Variants in STXBP5L observed in about 807,000 individuals in gnomAD.
The protein encoded by STXBP5L is syntaxin binding protein 5L.
Under a neutral mutation model 144.5 loss-of-function variants are expected in STXBP5L, and 65 were observed. The observed-to-expected ratio is 0.45, with a 90% CI of 0.37 to 0.55. The LOEUF is 0.55. Among genes scored for constraint, STXBP5L ranks in the 20% least tolerant of loss-of-function variants. STXBP5L has a pLI of 0.00. For missense variants in STXBP5L, 1,298 were observed against 1,405.5 expected (o/e 0.92, Z 1.22); for synonymous variants, 505 against 469.6 (o/e 1.08, Z -0.97).
chr3:121,066,319 G>C (rs906091826), intron 5 of STXBP5L, among the ~76,000 whole-genome samples: 3 of 151,366 alleles, frequency 2.0e-5, no homozygotes, highest in African/African-American at 7.3e-5. Context: ...GACGTTCTTT[G>C]TAAGATTAAG....
intron 9 of STXBP5L, among the ~76,000 whole-genome samples, chr3:121,174,040 G>A (rs2046837155): frequency 6.6e-6 from 1 of 152,090 alleles, no homozygotes; most frequent in South Asian, 2.1e-4. Flanking sequence ...GATGACTAGG[G>A]TCACATGGCA....
At chr3:121,324,635 A>G in intron 20 of STXBP5L, 1 of 642,820 alleles carries the variant, frequency 1.6e-6, no homozygotes, top group Non-Finnish European at 2.8e-6. Flanking sequence ...TCATATCTTC[A>G]CAATTTTCTA....
Position 121,086,414 on chromosome 3 carries a change from G to T in STXBP5L, c.471-28511G>T, listed in dbSNP as rs147682413. 5.5e-3 allele frequency among the ~76,000 whole-genome samples: 836 copies of T among 152,122 alleles called. 3 individuals carry two copies. Among genetic ancestry groups the T allele is most frequent in the Non-Finnish European group, 7.1e-3 (482 of 67,954 alleles). ...CTGAAAAATTTCTATTGCCTCATGCGTTCATAGCCATTGTAACATTATAGC... is the reference window on the plus strand; with the variant it reads ...CTGAAAAATTTCTATTGCCTCATGCTTTCATAGCCATTGTAACATTATAGC... On this transcript the variant is annotated intron_variant, in intron 5 of 26. Transcript: ENST00000471454.
At chr3:121,188,423 C>A (rs558673295) in intron 9 of STXBP5L, among the ~76,000 whole-genome samples, 1 of 152,038 alleles carries the variant, frequency 6.6e-6, no homozygotes, top group South Asian at 2.1e-4. Flanking sequence ...GAACAACCTG[C>A]TCCTGAATGA....
At chr3:121,288,416 C>T (rs933765065) in intron 19 of STXBP5L, among the ~76,000 whole-genome samples, 4 of 152,178 alleles carry the variant, frequency 2.6e-5, no homozygotes, top group Non-Finnish European at 5.9e-5. Flanking sequence ...GAAATTGCCA[C>T]ACTGATTTCC....
rs140997882 is a variant in STXBP5L at position 121,007,313 on chromosome 3, G to A, written c.288-34387G>A. Among the ~76,000 whole-genome samples, 6 of 151,842 alleles carry A rather than the reference G, an allele frequency of 4.0e-5. No individual in the cohort carries two copies. The East Asian group carries it at 1.2e-3, about 29-fold the overall frequency. On this transcript the variant is annotated intron_variant, in intron 3 of 26. Transcript: ENST00000471454. ...GAGGATTTTGTTGACTGTTTTTCTT[G>A]TTTCTAAAGAATATTTGTCTGTAGC...
chr3:120,990,147 A>G (rs1204093843), intron 3 of STXBP5L, among the ~76,000 whole-genome samples: 1 of 152,190 alleles, frequency 6.6e-6, no homozygotes, highest in Non-Finnish European at 1.5e-5. Context: ...AATCACAGGC[A>G]TTCTTATACA....
At chr3:121,027,756 C>T (rs923982073) in intron 3 of STXBP5L, among the ~76,000 whole-genome samples, 1 of 152,086 alleles carries the variant, frequency 6.6e-6, no homozygotes, top group Non-Finnish European at 1.5e-5. Context: ...ATTCCATCTG[C>T]AACCTTAATT....
chr3:121,103,918 A>G (rs2043558323), intron 5 of STXBP5L, among the ~76,000 whole-genome samples: 1 of 152,178 alleles, frequency 6.6e-6, no homozygotes, highest in African/African-American at 2.4e-5. Context: ...TTTACTGCAG[A>G]CAGGGTATTA....
chr3:121,359,163 A>T (rs757742643), intron 20 of STXBP5L, among the ~76,000 whole-genome samples: 1 of 152,074 alleles, frequency 6.6e-6, no homozygotes, highest in Non-Finnish European at 1.5e-5. Context: ...CTTAAGCGAG[A>T]TGATATCTCA....
chr3:120,968,467 C>A (rs1939856131), intron 3 of STXBP5L, among the ~76,000 whole-genome samples: 1 of 152,036 alleles, frequency 6.6e-6, no homozygotes, highest in South Asian at 2.1e-4. Flanking sequence ...TTATTCATCC[C>A]TTCACTTTCA....
chr3:121,258,992 T>A, intron 17 of STXBP5L, 51 bp from the exon 18 acceptor site: 1 of 1,482,656 alleles, frequency 6.7e-7, no homozygotes, highest in Non-Finnish European at 9.0e-7. Flanking sequence ...AAGATAAGTT[T>A]GACCATGTTT....
chr3:121,191,874 C>T (rs996768054), intron 9 of STXBP5L, among the ~76,000 whole-genome samples: 17 of 149,688 alleles, frequency 1.1e-4, no homozygotes, highest in African/African-American at 3.9e-4. Flanking sequence ...CACGTTCTCA[C>T]TCATAGGTGG....
intron 19 of STXBP5L, among the ~76,000 whole-genome samples, chr3:121,301,482 C>T (rs905774325): frequency 6.6e-6 from 1 of 152,154 alleles, no homozygotes; most frequent in African/African-American, 2.4e-5. Context: ...ACAATCATGT[C>T]GTCTGCAAAC....
At chr3:121,195,032 C>T (rs149874664) in intron 9 of STXBP5L, among the ~76,000 whole-genome samples, 11 of 150,634 alleles carry the variant, frequency 7.3e-5, no homozygotes, top group South Asian at 4.2e-4. Flanking sequence ...TCTTCAGCCT[C>T]GGCCTCCCGA....
chr3:121,239,164 T>C, intron 13 of STXBP5L, 46 bp downstream of exon 13: 2 of 1,129,534 alleles, frequency 1.8e-6, no homozygotes, highest in Non-Finnish European at 2.5e-6. Context: ...TCATATCACA[T>C]GATCATACTT....
rs192599854 is a variant in STXBP5L, at chr3:121,346,354, A to G, written c.2176+27814A>G. On this transcript the variant is annotated intron_variant, in intron 20 of 26. Coordinates refer to ENST00000471454, the MANE Select transcript of STXBP5L (RefSeq NM_001308330.2). ...ATTTTCTTAATCCACTCTATCACTG[A>G]TGGGCATTGGGGTTGGTTCCAAGTC... Among the ~76,000 whole-genome samples, 465 of 152,136 alleles carry G rather than the reference A, an allele frequency of 3.1e-3. 6 individuals are homozygous for G. Among genetic ancestry groups the G allele is most frequent in the African/African-American group, 0.011 (448 of 41,450 alleles).
chr3:120,977,703 T>C (rs1303703459), intron 3 of STXBP5L, among the ~76,000 whole-genome samples: 1 of 152,224 alleles, frequency 6.6e-6, no homozygotes, highest in Non-Finnish European at 1.5e-5. Flanking sequence ...TTTCCATGTT[T>C]AGTGCTTCCT....
At position 121,135,250 on chromosome 3, in the gene STXBP5L, GTTGT is replaced by G. The variant is rs1480091123; in HGVS notation, c.669+13553_669+13556del. Reference sequence around the variant, plus strand: ...TATCCTTTGCCCACTTTTTGACGGTGTTGTTTGTTTTCTTTTCTTGTAAATTTGT... The same window carrying G: ...TATCCTTTGCCCACTTTTTGACGGTGTTGTTTTCTTTTCTTGTAAATTTGT... On this transcript the variant is annotated intron_variant, in intron 7 of 26. Transcript: ENST00000471454. 3.9e-5 allele frequency among the ~76,000 whole-genome samples: 6 copies of G among 152,252 alleles called. No homozygotes were observed. The East Asian group carries it at 5.8e-4, about 15-fold the overall frequency.
Sources: gnomAD v4.1 joint callset for allele counts (sites outside exome capture counted in the v4.1 genomes callset) on GRCh38, gnomAD v4.1.1 for gene constraint, MANE v1.5 for transcripts, NCBI Gene and HGNC (gene_info 2026-07-23, HGNC 2026-07-21) for gene names.